HDAC9: variants seen among roughly 807,000 people sequenced by gnomAD.
HDAC9 encodes MEF-2 interacting transcription repressor (MITR) protein.
In HDAC9, 41 loss-of-function variants were observed where a neutral mutation model predicts 139.4. The observed-to-expected ratio is 0.29, with a 90% CI of 0.23 to 0.38. The LOEUF (loss-of-function observed/expected upper bound fraction) is 0.38, where lower values mean the gene tolerates loss of function less well. Among genes scored for constraint, HDAC9 ranks in the 10% least tolerant of loss-of-function variants. The probability of loss-of-function intolerance (pLI) is 1.00; values close to 1 mark genes in which losing one functional copy is unlikely to be tolerated. For synonymous variants in HDAC9, 517 were observed against 476.2 expected, an observed-to-expected ratio of 1.09 and a Z score of -1.12; for missense variants, 1,147 against 1,297.0, an observed-to-expected ratio of 0.88 and a Z score of 1.78.
chr7:18,257,402 CA>C lies in HDAC9; in HGVS notation c.25+95054del, dbSNP rs1795340271. On this transcript the variant is annotated intron_variant, in intron 2 of 12. Coordinates refer to the HDAC9 transcript ENST00000417496. ...TCTCTCTCTCTCTCTCTGTCTCTCCCACACACACACACACACACACACACAC... is the reference window on the plus strand; with the variant it reads ...TCTCTCTCTCTCTCTCTGTCTCTCCCCACACACACACACACACACACACAC... 2.6e-4 allele frequency among the ~76,000 whole-genome samples: 15 copies of C among 58,140 alleles called. No homozygotes were observed. The East Asian group carries it at 3.7e-3, about 14-fold the overall frequency. 38.1% of individuals were successfully genotyped at this position (58,140 alleles called of 152,430 possible).
intron 2 of HDAC9, among the ~76,000 whole-genome samples, chr7:18,559,553 C>T (rs933377207): frequency 6.6e-6 from 1 of 152,292 alleles, no homozygotes; most frequent in African/African-American, 2.4e-5. Flanking sequence ...ACAACTCTCT[C>T]TCAAGACATT....
intron 1 of HDAC9, among the ~76,000 whole-genome samples, chr7:18,364,664 C>T (rs1263317021): frequency 6.6e-6 from 1 of 152,080 alleles, no homozygotes; most frequent in Non-Finnish European, 1.5e-5. Context: ...ACAAAATCCC[C>T]AGGAGATTCA....
At chr7:18,434,563 A>T (rs1311761552) in intron 1 of HDAC9, among the ~76,000 whole-genome samples, 2 of 152,170 alleles carry the variant, frequency 1.3e-5, no homozygotes, top group East Asian at 1.9e-4. Context: ...AAACAACTCT[A>T]TTAGGAAGTG....
chr7:18,967,885 G>A (rs1216562879), intron 24 of HDAC9, among the ~76,000 whole-genome samples: 6 of 152,268 alleles, frequency 3.9e-5, no homozygotes, highest in African/African-American at 9.6e-5. Context: ...ACTTCAGGCC[G>A]GGCACAGTGG....
chr7:18,753,607 A>T (rs1466663907), intron 14 of HDAC9, among the ~76,000 whole-genome samples: 1 of 152,136 alleles, frequency 6.6e-6, no homozygotes, highest in African/African-American at 2.4e-5. Flanking sequence ...TAGCACTTTG[A>T]AAATGCTAAA....
intron 1 of HDAC9, among the ~76,000 whole-genome samples, chr7:18,299,284 C>G (rs1469005692): frequency 6.6e-6 from 1 of 150,656 alleles, no homozygotes; most frequent in Non-Finnish European, 1.5e-5. Context: ...AAAATTTGAC[C>G]TACTTAGAAA....
rs1246558969 is a variant in HDAC9, at chr7:18,521,759, C to CTA, written c.22+25439_22+25440dup. Reference sequence around the variant, plus strand: ...AAACGATAATAAATTTGAAGTGAACCTATATTCAGATTTACATTTTACTTA... The same window carrying CTA: ...AAACGATAATAAATTTGAAGTGAACCTATATATTCAGATTTACATTTTACTTA... On this transcript the variant is annotated intron_variant, in intron 2 of 25. Coordinates refer to ENST00000686413, the MANE Select transcript of HDAC9 (RefSeq NM_178425.4). Among the ~76,000 whole-genome samples, 6 of 152,020 alleles carry CTA rather than the reference C, an allele frequency of 3.9e-5. No individual in the cohort carries two copies. The East Asian group carries it at 9.6e-4, about 24-fold the overall frequency.
intron 2 of HDAC9, among the ~76,000 whole-genome samples, chr7:18,192,310 G>T (rs1790405552): frequency 6.6e-6 from 1 of 152,186 alleles, no homozygotes; most frequent in Admixed American, 6.5e-5. Context: ...TGCTGCTGCT[G>T]CGTAATATCA....
chr7:18,393,843 A>C (rs908903820), intron 1 of HDAC9, among the ~76,000 whole-genome samples: 1 of 152,194 alleles, frequency 6.6e-6, no homozygotes, highest in Non-Finnish European at 1.5e-5. Flanking sequence ...AAAATTTCCT[A>C]CAGGCTGCTT....
chr7:18,277,385 C>G (rs1444863732), intron 2 of HDAC9, among the ~76,000 whole-genome samples: 2 of 152,100 alleles, frequency 1.3e-5, no homozygotes, highest in African/African-American at 4.8e-5. Flanking sequence ...ATGGGGCAGA[C>G]AAGCAGAGCA....
chr7:18,330,170 A>G (rs920940448), intron 1 of HDAC9, among the ~76,000 whole-genome samples: 1 of 151,696 alleles, frequency 6.6e-6, no homozygotes, highest in Non-Finnish European at 1.5e-5. Context: ...GATTCTTTTC[A>G]GAGACATAGG....
Position 18,951,553 on chromosome 7 carries a change from C to T in HDAC9, c.2938-2593C>T, listed in dbSNP as rs111354822. On this transcript the variant is annotated intron_variant, in intron 23 of 25. Transcript: ENST00000686413. ...CTATTTCCTACATTTGCATCTGCTTCATCTTTCTGTAACTTTTGCATGCAA... is the reference window on the plus strand; with the variant it reads ...CTATTTCCTACATTTGCATCTGCTTTATCTTTCTGTAACTTTTGCATGCAA... 1.1e-4 allele frequency among the ~76,000 whole-genome samples: 16 copies of T among 151,902 alleles called. 1 individual carries two copies. Among genetic ancestry groups the T allele is most frequent in the African/African-American group, 3.6e-4 (15 of 41,526 alleles).
chr7:18,162,423 G>A, intron 2 of HDAC9: 4 of 1,326,330 alleles, frequency 3.0e-6, no homozygotes, highest in African/African-American at 3.0e-5. Flanking sequence ...TTCAAACCAA[G>A]TAATTTAATT....
intron 12 of HDAC9, among the ~76,000 whole-genome samples, chr7:18,687,374 C>A (rs4721718): frequency 0.34 from 51,088 of 151,604 alleles, 12,280 homozygotes; most frequent in African/African-American, 0.66. Context: ...CTAGTTTACT[C>A]TTCTTGAAAT....
chr7:18,155,319 T>C (rs904977038), intron 1 of HDAC9, among the ~76,000 whole-genome samples: 2 of 152,126 alleles, frequency 1.3e-5, no homozygotes, highest in African/African-American at 4.8e-5. Context: ...TGTAGAGGCA[T>C]TTGGAATATG....
chr7:18,315,614 A>T (rs1203075783), intron 1 of HDAC9, among the ~76,000 whole-genome samples: 1 of 152,242 alleles, frequency 6.6e-6, no homozygotes, highest in East Asian at 1.9e-4. Flanking sequence ...AGGATGAGTT[A>T]TTTTGATGTA....
intron 2 of HDAC9, among the ~76,000 whole-genome samples, chr7:18,169,607 C>A (rs1234083943): frequency 1.3e-5 from 2 of 152,086 alleles, no homozygotes; most frequent in Non-Finnish European, 2.9e-5. Context: ...CTATCCCTCC[C>A]CCTGTCCCCC....
intron 12 of HDAC9, among the ~76,000 whole-genome samples, chr7:18,672,100 G>A (rs1044311660): frequency 2.6e-5 from 4 of 151,844 alleles, no homozygotes; most frequent in African/African-American, 9.7e-5. Flanking sequence ...GGGTAATATG[G>A]TAACTGTTTA....
chr7:18,936,895 C>T (rs535556460), intron 23 of HDAC9, among the ~76,000 whole-genome samples: 1 of 152,086 alleles, frequency 6.6e-6, no homozygotes, highest in African/African-American at 2.4e-5. Flanking sequence ...CTATTGTCAT[C>T]ATTATTTTAC....
Sources: gnomAD v4.1 joint callset for allele counts (sites outside exome capture counted in the v4.1 genomes callset) on GRCh38, gnomAD v4.1.1 for gene constraint, MANE v1.5 for transcripts, NCBI Gene and HGNC (gene_info 2026-07-23, HGNC 2026-07-21) for gene names.